The following SHQ1 variants were observed in gnomAD, a reference collection of about 807,000 sequenced individuals.
SHQ1 encodes SHQ1, H/ACA ribonucleoprotein assembly factor.
Under a neutral mutation model 53.8 loss-of-function variants are expected in SHQ1, and 49 were observed. That is an observed-to-expected ratio of 0.91 (90% CI 0.72 to 1.16). SHQ1 has a LOEUF of 1.16. Ranked by LOEUF, SHQ1 falls within the 50% of genes most tolerant of loss-of-function variation. The probability of loss-of-function intolerance (pLI) is 0.00; values close to 1 mark genes in which losing one functional copy is unlikely to be tolerated. For synonymous variants in SHQ1, 243 were observed against 251.0 expected, an observed-to-expected ratio of 0.97 and a Z score of 0.30; for missense variants, 738 against 683.1, an observed-to-expected ratio of 1.08 and a Z score of -0.90.
At chr3:72,775,288 C>T (rs1217738004) in intron 10 of SHQ1, among the ~76,000 whole-genome samples, 1 of 151,686 alleles carries the variant, frequency 6.6e-6, no homozygotes. Flanking sequence ...CAAATAAAAA[C>T]AACTCTATGC....
intron 10 of SHQ1, among the ~76,000 whole-genome samples, chr3:72,790,351 T>C (rs1404270957): frequency 2.0e-5 from 3 of 152,240 alleles, no homozygotes; most frequent in Non-Finnish European, 4.4e-5. Context: ...TATATCTGAC[T>C]GTAAAAATGG....
intron 4 of SHQ1, among the ~76,000 whole-genome samples, chr3:72,836,483 C>T (rs983582679): frequency 1.3e-5 from 2 of 151,066 alleles, no homozygotes; most frequent in African/African-American, 4.9e-5. Flanking sequence ...AGCAAGACTC[C>T]GTCTCAAAAA....
chr3:72,834,406 T>C (rs1170269284), intron 4 of SHQ1, among the ~76,000 whole-genome samples: 1 of 152,168 alleles, frequency 6.6e-6, no homozygotes, highest in Non-Finnish European at 1.5e-5. Flanking sequence ...GGCGTGCACC[T>C]GTAATCCCAG....
rs565269792 is a variant in SHQ1, at chr3:72,804,314, G to A, written c.1060+8357C>T. Among the ~76,000 whole-genome samples the A allele has an allele frequency of 2.6e-5, 4 of 152,086 alleles. No individual in the cohort carries two copies. In the South Asian group the frequency reaches 6.2e-4, roughly 24 times the overall value. On this transcript the variant is annotated intron_variant, in intron 9 of 10. Coordinates refer to ENST00000325599, the MANE Select transcript of SHQ1 (RefSeq NM_018130.3). ...TTTGTTTTGAACTTTTAAGTTCAGA[G>A]GTATGTGTGTCATGGTGGTTTACTG...
In SHQ1 at chr3:72,749,930, T is replaced by TA. The variant is rs977400946; in HGVS notation, c.*353dup. The TA allele has an allele frequency of 4.1e-6, 1 of 243,170 alleles. No homozygotes were observed. Among genetic ancestry groups the TA allele is most frequent in the Non-Finnish European group, 8.0e-6 (1 of 125,740 alleles). 15.1% of individuals were successfully genotyped at this position (243,170 alleles called of 1,614,324 possible). A position where few individuals can be genotyped will look rare whatever the true frequency, so the allele number is the denominator to read the frequency against. The stretch of plus-strand genomic sequence containing the variant: ...AATCCTCAGATGCTCAAGCCCCTGA[T>TA]AAAAAATGGTGCAGTATTTGCATAT... On this transcript the variant is annotated 3_prime_UTR_variant, in exon 11 of 11. Transcript: ENST00000325599.
intron 10 of SHQ1, among the ~76,000 whole-genome samples, chr3:72,768,092 GGCTGTGATCACA>G (rs1705770342): frequency 1.3e-5 from 2 of 151,970 alleles, no homozygotes; most frequent in Non-Finnish European, 2.9e-5. Flanking sequence ...CACAGAGCTT[GGCTGTGATCACA>G]GCTGCAGATC....
At chr3:72,729,842 C>T in the SHQ1 span, among the ~76,000 whole-genome samples, 1 of 152,090 alleles carries the variant, frequency 6.6e-6, no homozygotes, top group Non-Finnish European at 1.5e-5. Context: ...ATTTTTGAGA[C>T]GGAGTCTCAC....
intron 6 of SHQ1, among the ~76,000 whole-genome samples, chr3:72,820,341 A>C (rs1055115935): frequency 7.2e-5 from 11 of 152,246 alleles, no homozygotes; most frequent in Non-Finnish European, 1.3e-4. Flanking sequence ...AGGAGCTGCT[A>C]GACTTTCCCT....
chr3:72,736,792 C>CAAA, the SHQ1 span, among the ~76,000 whole-genome samples: 53 of 105,302 alleles, frequency 5.0e-4, 1 homozygote, highest in Middle Eastern at 4.8e-3. Flanking sequence ...GACTCCGTTT[C>CAAA]AAAAAAAAAA....
rs1232654964 is a variant in SHQ1, at chr3:72,813,449, G to A, written c.937-655C>T. On this transcript the variant is annotated intron_variant, in intron 8 of 10. Coordinates refer to ENST00000325599, the MANE Select transcript of SHQ1 (RefSeq NM_018130.3). ...CTACTGCACTCCAGCCTGGACAATAGAGTGAGACTCCATCTCAAAAAAAAA... is the reference window on the plus strand; with the variant it reads ...CTACTGCACTCCAGCCTGGACAATAAAGTGAGACTCCATCTCAAAAAAAAA... Among the ~76,000 whole-genome samples, 7 of 133,274 alleles carry A rather than the reference G, an allele frequency of 5.3e-5. No individual in the cohort carries two copies. In the Admixed American group the frequency reaches 5.5e-4, roughly 11 times the overall value. 87.4% of individuals were successfully genotyped at this position (133,274 alleles called of 152,430 possible). A position where few individuals can be genotyped will look rare whatever the true frequency, so the allele number is the denominator to read the frequency against.
At chr3:72,730,826 C>G in the SHQ1 span, among the ~76,000 whole-genome samples, 1 of 151,866 alleles carries the variant, frequency 6.6e-6, no homozygotes, top group African/African-American at 2.4e-5. Context: ...CCTTCCATGT[C>G]TGCTTTCTGG....
chr3:72,794,198 T>C (rs988861734), intron 9 of SHQ1: 3 of 152,358 alleles, frequency 2.0e-5, no homozygotes, highest in African/African-American at 7.2e-5. Flanking sequence ...GGATGCACTT[T>C]CATTGACATT....
At chr3:72,815,488 G>T (rs1334173020) in intron 7 of SHQ1, 85 bp from the exon 8 acceptor site, 2 of 1,026,422 alleles carry the variant, frequency 1.9e-6, no homozygotes, top group Admixed American at 1.8e-5. Flanking sequence ...TATTCAACCA[G>T]TGTCTGAGGA....
At position 72,750,256 on chromosome 3, in the gene SHQ1, C is replaced by G. The variant is rs181775779; in HGVS notation, c.*28G>C. 2.0e-6 allele frequency: 3 copies of G among 1,513,858 alleles called. No homozygotes were observed. In the African/African-American group the frequency reaches 4.2e-5, roughly 21 times the overall value. 93.8% of individuals were successfully genotyped at this position (1,513,858 alleles called of 1,614,324 possible). A position where few individuals can be genotyped will look rare whatever the true frequency, so the allele number is the denominator to read the frequency against. On this transcript the variant is annotated 3_prime_UTR_variant, in exon 11 of 11. Transcript: ENST00000325599. The stretch of plus-strand genomic sequence containing the variant: ...AAATGAAACCCAATCTACCATATTT[C>G]TCAACAATGAATAAAACCACCTAAG...
downstream of SHQ1, among the ~76,000 whole-genome samples, chr3:72,748,367 A>G (rs1279994805): frequency 5.6e-5 from 8 of 141,612 alleles, no homozygotes; most frequent in African/African-American, 2.1e-4. Context: ...AAAAAGACTC[A>G]TATGAGGACT....
At chr3:72,802,401 C>T (rs1706815921) in intron 9 of SHQ1, among the ~76,000 whole-genome samples, 1 of 152,108 alleles carries the variant, frequency 6.6e-6, no homozygotes, top group Admixed American at 6.5e-5. Flanking sequence ...ATTTCATAAG[C>T]CTCTCACCGG....
intron 9 of SHQ1, among the ~76,000 whole-genome samples, chr3:72,810,727 G>A (rs993488895): frequency 1.3e-5 from 2 of 152,188 alleles, no homozygotes; most frequent in Admixed American, 6.5e-5. Flanking sequence ...TGGCATCCCC[G>A]TGCCATCCAC....
At chr3:72,748,329 CAAAAAAAAA>C (rs572927520), downstream of SHQ1, among the ~76,000 whole-genome samples, 27,735 of 59,532 alleles carry the variant, frequency 0.47, 3,801 homozygotes, top group Middle Eastern at 0.53. Context: ...ATGAGGCATG[CAAAAAAAAA>C]AAAAAAAAAA....
chr3:72,730,243 G>A, the SHQ1 span, among the ~76,000 whole-genome samples: 2 of 152,124 alleles, frequency 1.3e-5, no homozygotes, highest in Non-Finnish European at 2.9e-5. Flanking sequence ...AGCCTCCCGA[G>A]TAGCTGGGAC....
Sources: gnomAD v4.1 joint callset for allele counts (sites outside exome capture counted in the v4.1 genomes callset) on GRCh38, gnomAD v4.1.1 for gene constraint, MANE v1.5 for transcripts, NCBI Gene and HGNC (gene_info 2026-07-23, HGNC 2026-07-21) for gene names.